The following VPS33B variants were observed in gnomAD, a reference collection of about 807,000 sequenced individuals.
The protein encoded by VPS33B is vacuolar protein sorting-associated protein 33B.
VPS33B carries 80 observed loss-of-function variants against 95.3 expected under a neutral mutation model. The ratio of observed to expected loss-of-function variants is 0.84; its 90% CI spans 0.70 to 1.01. The LOEUF (loss-of-function observed/expected upper bound fraction) is 1.01. Ranked by LOEUF, VPS33B falls within the 50% of genes least tolerant of loss-of-function variation. VPS33B has a pLI of 0.00. For missense variants in VPS33B, 715 were observed against 773.4 expected, an observed-to-expected ratio of 0.92 and a Z score of 0.90; for synonymous variants, 280 against 280.4, an observed-to-expected ratio of 1.00 and a Z score of 0.01.
chr15:91,017,544 G>C (rs1451733839), intron 2 of VPS33B, among the ~76,000 whole-genome samples: 4 of 151,444 alleles, frequency 2.6e-5, no homozygotes, highest in Admixed American at 6.6e-5. Context: ...GATCACCTGA[G>C]TCCAGGAGGT....
Position 91,005,539 on chromosome 15 carries a change from A to C in VPS33B, c.1031-85T>G. 1 of 1,603,344 alleles carries C rather than the reference A, an allele frequency of 6.2e-7. No individual in the cohort carries two copies. The highest frequency in any genetic ancestry group is 1.7e-4 in the Middle Eastern group (1 of 6,030). ...GTCCGGAAGAATAAAAAACCTCCTA[A>C]GGCAAAATCCGAAAGCACTTCTTCC... On this transcript the variant is annotated intron_variant, in intron 13 of 22. Coordinates refer to ENST00000333371, the MANE Select transcript of VPS33B (RefSeq NM_018668.5). The surrounding 1 kb of genome is among the most constrained non-coding windows in gnomAD (Gnocchi z 6.4).
chr15:90,998,572 A>G, downstream of VPS33B: 1 of 335,126 alleles, frequency 3.0e-6, no homozygotes, highest in Non-Finnish European at 5.9e-6. The surrounding 1 kb of genome is among the most constrained non-coding windows in gnomAD (Gnocchi z 4.8). Context: ...GCCTGGAGCC[A>G]CTACAAAGTC....
Position 91,022,193 on chromosome 15 carries a change from C to T in VPS33B, c.57G>A (p.Lys19=), listed in dbSNP as rs1210213502. The change falls in exon 1 of 23, where the codon AAG becomes AAA. Residue 19 remains lysine, a synonymous_variant. Coordinates refer to ENST00000333371, the MANE Select transcript of VPS33B (RefSeq NM_018668.5). The part of the protein sequence containing the change: ...APELPDFSML[K]RLARDQLIYL... ...AGATGAGCTGGTCTCGAGCCAGCCTCTTCAGCATGGAGAAGTCAGGCAGCT... is the reference window on the plus strand; with the variant it reads ...AGATGAGCTGGTCTCGAGCCAGCCTTTTCAGCATGGAGAAGTCAGGCAGCT... The T allele has an allele frequency of 1.3e-6, 2 of 1,585,270 alleles. No homozygotes were observed. Among genetic ancestry groups the T allele is most frequent in the African/African-American group, 1.3e-5 (1 of 74,316 alleles).
chr15:91,017,381 T>A (rs1202101670), intron 2 of VPS33B, among the ~76,000 whole-genome samples: 5,773 of 29,172 alleles, frequency 0.2, 1,228 homozygotes, highest in East Asian at 0.73. Context: ...TATATATATA[T>A]ATATATATAT....
In VPS33B at chr15:91,005,578, G is replaced by T; in HGVS notation, c.1030+116C>A. On this transcript the variant is annotated intron_variant, in intron 13 of 22. Coordinates refer to ENST00000333371, the MANE Select transcript of VPS33B (RefSeq NM_018668.5). The surrounding 1 kb of genome is among the most constrained non-coding windows in gnomAD (Gnocchi z 6.4). ...AGCACTTCTTCCCACTTTACACCAA[G>T]TAAGACCATATGCATCAGATGAACA... 6.3e-7 allele frequency: 1 copy of T among 1,576,260 alleles called. No individual in the cohort carries two copies. The highest frequency in any genetic ancestry group is 8.7e-7 in the Non-Finnish European group (1 of 1,145,734).
chr15:91,022,395 G>A lies in VPS33B; in HGVS notation c.-146C>T, dbSNP rs1436358094. On this transcript the variant is annotated 5_prime_UTR_variant, in exon 1 of 23. Transcript: ENST00000333371. Reference sequence around the variant, plus strand: ...CCAGATGGGCCCTCGCTCCTCAGCAGCACTCCAGGAATGAATGGCCACCTC... The same window carrying A: ...CCAGATGGGCCCTCGCTCCTCAGCAACACTCCAGGAATGAATGGCCACCTC... The A allele has an allele frequency of 2.7e-6, 2 of 729,110 alleles. No homozygotes were observed. The highest frequency in any genetic ancestry group is 1.9e-5 in the South Asian group (1 of 52,360). The allele number at this position is 729,110 out of a possible 1,614,324, so 45.2% of individuals were successfully genotyped here. A position where few individuals can be genotyped will look rare whatever the true frequency, so the allele number is the denominator to read the frequency against.
In VPS33B at chr15:91,003,094, C is replaced by T. The variant is rs746192691; in HGVS notation, c.1263G>A (p.Gln421=). Residue 421 remains glutamine (Q), a synonymous_variant, in exon 17 of 23, where the codon CAG becomes CAA. Coordinates refer to ENST00000333371, the MANE Select transcript of VPS33B (RefSeq NM_018668.5). ...IPKDYRSLKT[Q]YLQSYGPEHL... ...ATTCTCCAGGCCTTACCTGCAGATA[C>T]TGTGTTTTCAGAGATCGGTAATCCT... is the stretch of plus-strand genomic sequence containing the variant. 2.5e-6 allele frequency: 4 copies of T among 1,614,036 alleles called. No individual in the cohort carries two copies. In the East Asian group the frequency reaches 8.9e-5, roughly 36 times the overall value.
At chr15:91,003,375 C>T (rs375300658) in intron 16 of VPS33B, among the ~76,000 whole-genome samples, 5 of 152,126 alleles carry the variant, frequency 3.3e-5, no homozygotes, top group African/African-American at 1.2e-4. Context: ...CTGGAACTAA[C>T]GGTGATCGTA....
In VPS33B at chr15:91,007,359, G is replaced by C; in HGVS notation, c.603+110C>G. 1.8e-6 allele frequency: 2 copies of C among 1,110,174 alleles called. No homozygotes were observed. The highest frequency in any genetic ancestry group is 2.8e-6 in the Non-Finnish European group (2 of 727,064). The allele number at this position is 1,110,174 out of a possible 1,614,324, so 68.8% of individuals were successfully genotyped here. On this transcript the variant is annotated intron_variant, in intron 8 of 22. Coordinates refer to ENST00000333371, the MANE Select transcript of VPS33B (RefSeq NM_018668.5). This position sits in a 1 kb window ranked among gnomAD's most constrained non-coding sequence, Gnocchi z 5.3. ...GAGGATCTATTCCAGAACAATGAAA[G>C]CAAAGTAAAGAATACACCTCATATC...
intron 3 of VPS33B, 123 bp from the exon 4 acceptor site, chr15:91,014,556 G>T: frequency 9.4e-7 from 1 of 1,063,408 alleles, no homozygotes; most frequent in Non-Finnish European, 1.4e-6. Flanking sequence ...CCTAGCCAAA[G>T]CTATGCTATT....
At position 91,002,086 on chromosome 15, in the gene VPS33B, T is replaced by G; in HGVS notation, c.1369A>C (p.Ser457Arg). ...TCGGTCACCAGCTTGCTCACTTTAC[T>G]CTCCACGGCTGTGAGGGTGTCCCCG... ...APGDTLTAVE[S>R]KVSKLVTDKA... The change falls in exon 18 of 23, where the codon AGT becomes CGT. Residue 457 changes from serine (S) to arginine (R), a missense_variant. Ser to Arg is a moderately radical substitution (Grantham distance 110, BLOSUM62 -1). Transcript: ENST00000333371. The surrounding 1 kb of genome is among the most constrained non-coding windows in gnomAD (Gnocchi z 4.7). The G allele has an allele frequency of 2.5e-6, 4 of 1,614,066 alleles. No homozygotes were observed. The highest frequency in any genetic ancestry group is 3.4e-6 in the Non-Finnish European group (4 of 1,180,016).
At position 91,005,743 on chromosome 15, in the gene VPS33B, C is replaced by T; in HGVS notation, c.981G>A (p.Val327=). The T allele has an allele frequency of 1.2e-6, 2 of 1,614,140 alleles. No homozygotes were observed. The highest frequency in any genetic ancestry group is 1.7e-6 in the Non-Finnish European group (2 of 1,180,026). ...GMDIKQMKNF[V]SQELKGLKQE... ...GTTTCAGGCCCTTGAGCTCCTGGGA[C>T]ACGAAATTCTTCATCTGCTTAATGT... is the stretch of plus-strand genomic sequence containing the variant. Residue 327 remains valine (V), a synonymous_variant, in exon 13 of 23, where the codon GTG becomes GTA. Transcript: ENST00000333371. The surrounding 1 kb of genome is among the most constrained non-coding windows in gnomAD (Gnocchi z 6.4).
At chr15:91,017,468 T>A (rs1485277776) in intron 2 of VPS33B, among the ~76,000 whole-genome samples, 1 of 131,250 alleles carries the variant, frequency 7.6e-6, no homozygotes, top group African/African-American at 2.9e-5. Flanking sequence ...AATTTAAATT[T>A]AAAAATTAAC....
rs112395785 is a variant in VPS33B, at chr15:91,002,345, C to T, written c.1273-163G>A. 1.5e-4 allele frequency among the ~76,000 whole-genome samples: 23 copies of T among 152,292 alleles called. 2 individuals carry two copies. Among genetic ancestry groups the T allele is most frequent in the African/African-American group, 4.6e-4 (19 of 41,576 alleles). On this transcript the variant is annotated intron_variant, in intron 17 of 22. Coordinates refer to ENST00000333371, the MANE Select transcript of VPS33B (RefSeq NM_018668.5). The surrounding 1 kb of genome is among the most constrained non-coding windows in gnomAD (Gnocchi z 4.7). The stretch of plus-strand genomic sequence containing the variant: ...TCACATCAGAAATAACCAAACAGGG[C>T]TGGGAGCGGTGGCTCATGCCTGTAA...
chr15:91,017,800 A>T lies in VPS33B; in HGVS notation c.177+5T>A, dbSNP rs747146575. On this transcript the variant is annotated splice_donor_5th_base_variant and intron_variant, in intron 2 of 22. Transcript: ENST00000333371. ...GGCATGGCCCCCAGGGGAAAGGGAC[A>T]GTACCTTCAGGATGGAGACATTGGC... is the stretch of plus-strand genomic sequence containing the variant. 1.4e-5 allele frequency: 22 copies of T among 1,614,012 alleles called. No homozygotes were observed. In the Admixed American group the frequency reaches 3.7e-4, roughly 27 times the overall value.
intron 1 of VPS33B, 49 bp from the exon 2 acceptor site, chr15:91,017,934 C>T (rs750407145): frequency 3.9e-5 from 62 of 1,591,026 alleles, no homozygotes; most frequent in African/African-American, 2.7e-4. Flanking sequence ...CATGAGCTTC[C>T]GCAGCTGAGA....
chr15:91,001,444 A>G lies in VPS33B; in HGVS notation c.1424T>C (p.Phe475Ser). 1.2e-6 allele frequency: 2 copies of G among 1,614,100 alleles called. 1 individual carries two copies. Among genetic ancestry groups the G allele is most frequent in the South Asian group, 2.2e-5 (2 of 91,086 alleles). The change falls in exon 19 of 23, where the codon TTC (phenylalanine) becomes TCC (serine). Residue 475 changes from phenylalanine to serine, a missense_variant. Coordinates refer to ENST00000333371, the MANE Select transcript of VPS33B (RefSeq NM_018668.5). Reference protein sequence around the residue: ...DKAAGKITDAFSSLAKRSNFR... With the variant: ...DKAAGKITDASSSLAKRSNFR... Reference sequence around the variant, plus strand: ...ATTGCTCCTCTTGGCCAGAGAACTGAAGGCATCAGTAATCTTTCCTGGGGA... The same window carrying G: ...ATTGCTCCTCTTGGCCAGAGAACTGGAGGCATCAGTAATCTTTCCTGGGGA...
chr15:91,009,886 C>T lies in VPS33B; in HGVS notation c.358-40G>A, dbSNP rs1466392363. On this transcript the variant is annotated intron_variant, in intron 5 of 22. Coordinates refer to ENST00000333371, the MANE Select transcript of VPS33B (RefSeq NM_018668.5). This position sits in a 1 kb window ranked among gnomAD's most constrained non-coding sequence, Gnocchi z 4.1. ...GAAATTGATTAGTAACTACCTTCTT[C>T]TCTGTTCTCTCCATTTCTCTGGAGT... is the stretch of plus-strand genomic sequence containing the variant. 1 of 1,611,750 alleles carries T rather than the reference C, an allele frequency of 6.2e-7. No homozygotes were observed. Among genetic ancestry groups the T allele is most frequent in the Non-Finnish European group, 8.5e-7 (1 of 1,177,910 alleles).
At position 91,006,466 on chromosome 15, in the gene VPS33B, C is replaced by T. The variant is rs771726846; in HGVS notation, c.779-21G>A. 8.1e-6 allele frequency: 13 copies of T among 1,614,030 alleles called. No homozygotes were observed. The highest frequency in any genetic ancestry group is 9.3e-6 in the Non-Finnish European group (11 of 1,180,004). On this transcript the variant is annotated intron_variant, in intron 10 of 22. Coordinates refer to ENST00000333371, the MANE Select transcript of VPS33B (RefSeq NM_018668.5). The surrounding 1 kb of genome is among the most constrained non-coding windows in gnomAD (Gnocchi z 5.4). ...ACTCCCTTTGAGAGCAGAGGGACAG[C>T]TATTAGGATCTCCAATGAGGACTTC...
Sources: gnomAD v4.1 joint callset for allele counts (sites outside exome capture counted in the v4.1 genomes callset) on GRCh38, gnomAD v4.1.1 for gene constraint, Gnocchi (gnomAD v3.1) non-coding constraint, MANE v1.5 for transcripts, NCBI Gene and HGNC (gene_info 2026-07-23, HGNC 2026-07-21) for gene names.